The following PIP4K2A variants were observed in gnomAD, a reference collection of about 807,000 sequenced individuals.
PIP4K2A encodes the protein phosphatidylinositol-5-phosphate 4-kinase type 2 alpha.
Under a neutral mutation model 42.9 loss-of-function variants are expected in PIP4K2A, and 14 were observed. That is an observed-to-expected ratio of 0.33 (90% CI 0.22 to 0.51). The LOEUF (loss-of-function observed/expected upper bound fraction) is 0.51. Among genes scored for constraint, PIP4K2A ranks in the 20% least tolerant of loss-of-function variants. PIP4K2A has a pLI of 0.97. For missense variants in PIP4K2A, 434 were observed against 519.8 expected (o/e 0.83, Z 1.61); for synonymous variants, 192 against 192.2 (o/e 1.00, Z 0.01).
rs118163316 is a variant in PIP4K2A, at chr10:22,574,002, C to G, written c.493-545G>C. Among the ~76,000 whole-genome samples, 15 of 152,382 alleles carry G rather than the reference C, an allele frequency of 9.8e-5. 1 individual carries two copies. In the East Asian group the frequency reaches 2.9e-3, roughly 29 times the overall value. Reference sequence around the variant, plus strand: ...CCCCTGTGACCATAGCACCCTCGCTCCTGCTCTGCCGGCAGATGGGGACTG... The same window carrying G: ...CCCCTGTGACCATAGCACCCTCGCTGCTGCTCTGCCGGCAGATGGGGACTG... On this transcript the variant is annotated intron_variant, in intron 4 of 9. Transcript: ENST00000376573.
intron 1 of PIP4K2A, among the ~76,000 whole-genome samples, chr10:22,650,091 T>C (rs895140211): frequency 2.0e-5 from 3 of 152,088 alleles, no homozygotes; most frequent in African/African-American, 7.2e-5. Context: ...TAAAACTAAG[T>C]GTGTGTCCAA....
intron 1 of PIP4K2A, among the ~76,000 whole-genome samples, chr10:22,684,590 A>G (rs1417065175): frequency 6.6e-6 from 1 of 152,184 alleles, no homozygotes; most frequent in Non-Finnish European, 1.5e-5. Flanking sequence ...TATTAGTGAA[A>G]CATAATTTGT....
rs36086367 is a variant in PIP4K2A, at chr10:22,687,144, T to TA, written c.144+27038dup. On this transcript the variant is annotated intron_variant, in intron 1 of 9. Transcript: ENST00000376573. ...TCAAGTAGGCAAGAATAAGTCAGAT[T>TA]AAAAAAAAAAAAAAAGGATGAAGGA... is the stretch of plus-strand genomic sequence containing the variant. 1.2e-3 allele frequency among the ~76,000 whole-genome samples: 169 copies of TA among 138,986 alleles called. 2 individuals are homozygous for TA. The highest frequency in any genetic ancestry group is 4.7e-3 in the East Asian group (22 of 4,646). The allele number at this position is 138,986 out of a possible 152,430, so 91.2% of individuals were successfully genotyped here. A position where few individuals can be genotyped will look rare whatever the true frequency, so the allele number is the denominator to read the frequency against.
At chr10:22,644,859 G>A (rs1029636987) in intron 1 of PIP4K2A, among the ~76,000 whole-genome samples, 1 of 152,118 alleles carries the variant, frequency 6.6e-6, no homozygotes, top group Non-Finnish European at 1.5e-5. Flanking sequence ...AACCAACCAA[G>A]TCACCATTAT....
chr10:22,624,677 T>C (rs1838398861), intron 1 of PIP4K2A, among the ~76,000 whole-genome samples: 1 of 152,030 alleles, frequency 6.6e-6, no homozygotes, highest in Non-Finnish European at 1.5e-5. Context: ...GTATGTTACC[T>C]AGCAGGGGGA....
intron 1 of PIP4K2A, among the ~76,000 whole-genome samples, chr10:22,664,121 A>G (rs1453551923): frequency 3.0e-5 from 2 of 66,530 alleles, no homozygotes; most frequent in East Asian, 2.6e-4. Flanking sequence ...ATATACATAT[A>G]TATATATACA....
chr10:22,594,723 T>C (rs1837594203), intron 3 of PIP4K2A, among the ~76,000 whole-genome samples: 1 of 152,232 alleles, frequency 6.6e-6, no homozygotes, highest in South Asian at 2.1e-4. Flanking sequence ...TATAAAGGGC[T>C]GGAAACGTAA....
chr10:22,626,370 A>G (rs1838437797), intron 1 of PIP4K2A, among the ~76,000 whole-genome samples: 1 of 152,250 alleles, frequency 6.6e-6, no homozygotes, highest in South Asian at 2.1e-4. Context: ...CTAAAAATGC[A>G]TGTTGTTAAA....
intron 1 of PIP4K2A, among the ~76,000 whole-genome samples, chr10:22,616,402 T>G (rs531325000): frequency 4.5e-4 from 69 of 152,286 alleles, no homozygotes; most frequent in African/African-American, 1.6e-3. Context: ...AGAGGTGCTA[T>G]TATCATGCCC....
At chr10:22,703,360 G>A (rs1225767620) in intron 1 of PIP4K2A, among the ~76,000 whole-genome samples, 1 of 152,196 alleles carries the variant, frequency 6.6e-6, no homozygotes, top group African/African-American at 2.4e-5. Context: ...AGTGAGCTAT[G>A]ACCATGCCAC....
At chr10:22,601,130 CAAAAAAAAAAAAAA>C (rs1188396077) in intron 3 of PIP4K2A, among the ~76,000 whole-genome samples, 116 of 31,918 alleles carry the variant, frequency 3.6e-3, no homozygotes, top group African/African-American at 6.7e-3. Context: ...GAGACTGTCT[CAAAAAAAAAAAAAA>C]AAAAAAAAAA....
intron 1 of PIP4K2A, among the ~76,000 whole-genome samples, chr10:22,651,761 G>T (rs1839001336): frequency 6.6e-6 from 1 of 152,234 alleles, no homozygotes; most frequent in Non-Finnish European, 1.5e-5. Flanking sequence ...TGGTGCCCGG[G>T]AGGCAGCTCA....
Position 22,628,076 on chromosome 10 carries a change from G to A in PIP4K2A, c.145-18359C>T, listed in dbSNP as rs117052286. ...TAAAGTGATTTTACTATTATATCTA[G>A]CAAAGAAAAATCCTGATATTCATAA... On this transcript the variant is annotated intron_variant, in intron 1 of 9. Transcript: ENST00000376573. 2.4e-3 allele frequency among the ~76,000 whole-genome samples: 371 copies of A among 152,200 alleles called. 1 individual carries two copies. Among genetic ancestry groups the A allele is most frequent in the Non-Finnish European group, 3.6e-3 (244 of 68,002 alleles).
intron 1 of PIP4K2A, among the ~76,000 whole-genome samples, chr10:22,648,304 G>A (rs1224314130): frequency 6.6e-6 from 1 of 152,218 alleles, no homozygotes; most frequent in Non-Finnish European, 1.5e-5. Flanking sequence ...ACGGTGTGGG[G>A]AGAGTTAATT....
Position 22,539,920 on chromosome 10 carries a change from A to AGAGAGAGAGAGAGAGAGG in PIP4K2A, c.1140+50_1140+51insCCTCTCTCTCTCTCTCTC, listed in dbSNP as rs1836057595. ...GAGAGAGAGAGAGAGAGGGAGAGAG[A>AGAGAGAGAGAGAGAGAGG]GAGAGAGAGAGGGAGAGAAAGAGAG... is the stretch of plus-strand genomic sequence containing the variant. On this transcript the variant is annotated intron_variant, in intron 9 of 9. Coordinates refer to ENST00000376573, the MANE Select transcript of PIP4K2A (RefSeq NM_005028.5). 6.2e-6 allele frequency: 6 copies of AGAGAGAGAGAGAGAGAGG among 970,450 alleles called. No individual in the cohort carries two copies. The African/African-American group carries it at 8.4e-5, about 14-fold the overall frequency. The allele number at this position is 970,450 out of a possible 1,614,324, so 60.1% of individuals were successfully genotyped here. A position where few individuals can be genotyped will look rare whatever the true frequency, so the allele number is the denominator to read the frequency against.
chr10:22,575,976 T>C (rs552111038), intron 4 of PIP4K2A, among the ~76,000 whole-genome samples: 26 of 152,080 alleles, frequency 1.7e-4, no homozygotes, highest in African/African-American at 6.3e-4. Flanking sequence ...TCTGTCTACT[T>C]TATCAGCAAG....
In PIP4K2A at chr10:22,539,888, A is replaced by G. The variant is rs186926382; in HGVS notation, c.1140+83T>C. The G allele has an allele frequency of 8.4e-3, 4,947 of 589,538 alleles. 159 individuals carry two copies. In the African/African-American group the frequency reaches 0.14, roughly 17 times the overall value. The allele number at this position is 589,538 out of a possible 1,614,324, so 36.5% of individuals were successfully genotyped here. Reference sequence around the variant, plus strand: ...TTACAGGTCACACAGAGGAGCCAGGAGAGAGAGAGAGAGAGAGAGAGAGGG... The same window carrying G: ...TTACAGGTCACACAGAGGAGCCAGGGGAGAGAGAGAGAGAGAGAGAGAGGG... On this transcript the variant is annotated intron_variant, in intron 9 of 9. Coordinates refer to ENST00000376573, the MANE Select transcript of PIP4K2A (RefSeq NM_005028.5).
chr10:22,669,494 A>T (rs1002316162), intron 1 of PIP4K2A, among the ~76,000 whole-genome samples: 5 of 152,320 alleles, frequency 3.3e-5, no homozygotes, highest in African/African-American at 1.2e-4. Context: ...AAAAACAACA[A>T]AACTGTCAGA....
chr10:22,570,816 G>A (rs973335518), intron 5 of PIP4K2A, among the ~76,000 whole-genome samples: 1 of 151,868 alleles, frequency 6.6e-6, no homozygotes, highest in African/African-American at 2.4e-5. Context: ...TGGCAACAGT[G>A]GGTATTAGTA....
Sources: gnomAD v4.1 joint callset for allele counts (sites outside exome capture counted in the v4.1 genomes callset) on GRCh38, gnomAD v4.1.1 for gene constraint, MANE v1.5 for transcripts, NCBI Gene and HGNC (gene_info 2026-07-23, HGNC 2026-07-21) for gene names.